KCNT1: variants seen among roughly 807,000 people sequenced by gnomAD.
KCNT1 encodes potassium sodium-activated channel subfamily T member 1.
KCNT1 carries 78 observed loss-of-function variants against 147.8 expected under a neutral mutation model. That is an observed-to-expected ratio of 0.53 (90% CI 0.44 to 0.64). The LOEUF is 0.64. KCNT1 is among the 30% of genes least tolerant of loss of function. KCNT1 has a pLI of 0.00. For missense variants in KCNT1, 1,419 were observed against 1,750.3 expected (o/e 0.81, Z 3.38); for synonymous variants, 867 against 748.8 (o/e 1.16, Z -2.58).
At chr9:135,725,520 G>A (rs980871577) in intron 2 of KCNT1, among the ~76,000 whole-genome samples, 13 of 152,200 alleles carry the variant, frequency 8.5e-5, no homozygotes, top group East Asian at 3.9e-4. Flanking sequence ...CTACGCTTGC[G>A]GGGGAGGGTG....
chr9:135,744,081 C>T (rs1487321374), intron 2 of KCNT1, among the ~76,000 whole-genome samples: 1 of 152,244 alleles, frequency 6.6e-6, no homozygotes, highest in Non-Finnish European at 1.5e-5. Context: ...CAGAGAGAGG[C>T]AGCTCGGACC....
intron 20 of KCNT1, among the ~76,000 whole-genome samples, chr9:135,776,594 C>G (rs972366492): frequency 1.3e-5 from 2 of 152,210 alleles, no homozygotes; most frequent in Non-Finnish European, 1.5e-5. Flanking sequence ...GTTCCGGAAT[C>G]TCTCTCCAGC....
chr9:135,715,903 A>G (rs898855053), intron 2 of KCNT1, among the ~76,000 whole-genome samples: 8 of 152,214 alleles, frequency 5.3e-5, no homozygotes, highest in African/African-American at 1.9e-4. Context: ...ACTCAGAATC[A>G]GGGAGTGAGC....
chr9:135,722,602 C>G (rs961707967), intron 2 of KCNT1, among the ~76,000 whole-genome samples: 1 of 152,214 alleles, frequency 6.6e-6, no homozygotes, highest in Non-Finnish European at 1.5e-5. Flanking sequence ...ACCACAGACC[C>G]GGCAGCCTCA....
chr9:135,785,302 C>T lies in KCNT1; in HGVS notation c.3157-8C>T, dbSNP rs371874401. On this transcript the variant is annotated splice_polypyrimidine_tract_variant and splice_region_variant and intron_variant, in intron 27 of 30. Coordinates refer to ENST00000371757, the MANE Select transcript of KCNT1 (RefSeq NM_020822.3). ...ACAGGTCCCAGACTGCGCCTGTTTC[C>T]TTTGCAGCCCCACGACCTCAGAGCC... 283 of 1,612,950 alleles carry T rather than the reference C, an allele frequency of 1.8e-4. 1 individual carries two copies. In the African/African-American group the frequency reaches 3.5e-3, roughly 20 times the overall value.
At chr9:135,774,246 CGTGTGTG>C (rs1832965186) in intron 19 of KCNT1, among the ~76,000 whole-genome samples, 1 of 120,188 alleles carries the variant, frequency 8.3e-6, no homozygotes, top group Non-Finnish European at 1.8e-5. Context: ...GGTGTGTGTC[CGTGTGTG>C]GTGTGTGTGG....
intron 2 of KCNT1, 83 bp from the exon 3 acceptor site, chr9:135,750,015 T>G (rs1831057165): frequency 2.8e-6 from 3 of 1,074,334 alleles, no homozygotes; most frequent in Non-Finnish European, 4.3e-6. Flanking sequence ...TTGGAAGAAG[T>G]CAGTCAGGTT....
At chr9:135,757,485 G>A (rs1831577190) in intron 9 of KCNT1, 104 bp downstream of exon 9, 1 of 1,036,982 alleles carries the variant, frequency 9.6e-7, no homozygotes, top group Non-Finnish European at 1.5e-6. Flanking sequence ...CCCGGCCCTG[G>A]CATGACCTGT....
rs573269727 is a variant in KCNT1, at chr9:135,779,186, G to A, written c.2730-173G>A. On this transcript the variant is annotated intron_variant, in intron 23 of 30. Coordinates refer to ENST00000371757, the MANE Select transcript of KCNT1 (RefSeq NM_020822.3). Reference sequence around the variant, plus strand: ...CTCTGCCCTGAGACCCCCCACAGCCGTGGGACCCTGCCCTGAGACCCCCAT... The same window carrying A: ...CTCTGCCCTGAGACCCCCCACAGCCATGGGACCCTGCCCTGAGACCCCCAT... 2.1e-4 allele frequency among the ~76,000 whole-genome samples: 24 copies of A among 114,046 alleles called. 1 individual carries two copies. The highest frequency in any genetic ancestry group is 7.5e-4 in the African/African-American group (22 of 29,444). The allele number at this position is 114,046 out of a possible 152,430, so 74.8% of individuals were successfully genotyped here. A position where few individuals can be genotyped will look rare whatever the true frequency, so the allele number is the denominator to read the frequency against.
chr9:135,713,714 A>G (rs748858852), intron 1 of KCNT1, among the ~76,000 whole-genome samples: 1 of 152,086 alleles, frequency 6.6e-6, no homozygotes. Context: ...TGGGCCAGGT[A>G]AGGAGCTCCC....
At chr9:135,779,582 C>A in intron 24 of KCNT1, 112 bp downstream of exon 24, 1 of 789,798 alleles carries the variant, frequency 1.3e-6, no homozygotes, top group Non-Finnish European at 2.1e-6. Context: ...TCCTGCCGCC[C>A]TCCTGCTGGG....
At chr9:135,728,948 G>A (rs1427961360) in intron 2 of KCNT1, among the ~76,000 whole-genome samples, 1 of 152,164 alleles carries the variant, frequency 6.6e-6, no homozygotes, top group Non-Finnish European at 1.5e-5. Context: ...TGTCCCCCAA[G>A]ATTTATATAT....
intron 18 of KCNT1, among the ~76,000 whole-genome samples, chr9:135,771,633 G>A (rs903982743): frequency 3.9e-5 from 6 of 152,332 alleles, no homozygotes; most frequent in South Asian, 2.1e-4. Context: ...GAATGAGGTC[G>A]CAGTGGCCGA....
chr9:135,736,338 C>T (rs1830333320), intron 2 of KCNT1, among the ~76,000 whole-genome samples: 1 of 152,174 alleles, frequency 6.6e-6, no homozygotes, highest in South Asian at 2.1e-4. Context: ...CCCAGGGCCA[C>T]CAGCCCTCGC....
intron 24 of KCNT1, among the ~76,000 whole-genome samples, chr9:135,781,061 G>T (rs545322327): frequency 6.6e-6 from 1 of 152,214 alleles, no homozygotes; most frequent in African/African-American, 2.4e-5. Context: ...CCGCCCCGCC[G>T]TGGGGCCCAT....
rs541534598 is a variant in KCNT1, at chr9:135,785,407, G to T, written c.3177+77G>T. Reference sequence around the variant, plus strand: ...CAGCTTCACATGGAGAAGCCTGCCAGGCCCCACCCACCCACCCACCCACAG... The same window carrying T: ...CAGCTTCACATGGAGAAGCCTGCCATGCCCCACCCACCCACCCACCCACAG... On this transcript the variant is annotated intron_variant, in intron 28 of 30. Coordinates refer to ENST00000371757, the MANE Select transcript of KCNT1 (RefSeq NM_020822.3). The T allele has an allele frequency of 4.6e-6, 7 of 1,534,546 alleles. No individual in the cohort carries two copies. The African/African-American group carries it at 8.4e-5, about 18-fold the overall frequency.
chr9:135,741,428 C>A (rs769509182), intron 2 of KCNT1, among the ~76,000 whole-genome samples: 2 of 152,230 alleles, frequency 1.3e-5, no homozygotes, highest in African/African-American at 2.4e-5. Context: ...ACGGCTGTTG[C>A]CCTGGCTCAG....
chr9:135,785,715 A>G (rs986556425), intron 28 of KCNT1: 33 of 472,570 alleles, frequency 7.0e-5, no homozygotes, highest in Non-Finnish European at 1.2e-4. Context: ...CCAGCACCCC[A>G]CGACCCACAG....
intron 1 of KCNT1, among the ~76,000 whole-genome samples, chr9:135,707,495 G>A (rs1209996194): frequency 3.9e-5 from 6 of 152,276 alleles, no homozygotes; most frequent in Admixed American, 1.3e-4. Flanking sequence ...CAGCGTGGCC[G>A]GGGGCAGGGG....
Sources: allele counts gnomAD v4.1 joint callset (sites outside exome capture counted in the v4.1 genomes callset), GRCh38; gene constraint gnomAD v4.1.1; transcripts MANE v1.5; gene names NCBI Gene and HGNC (gene_info 2026-07-23, HGNC 2026-07-21).